DLGAP4: variants seen among roughly 807,000 people sequenced by gnomAD.
DLGAP4 encodes the protein disks large-associated protein 4.
DLGAP4 carries 18 observed loss-of-function variants against 86.9 expected under a neutral mutation model. That is an observed-to-expected ratio of 0.21 (90% CI 0.14 to 0.31). The LOEUF (loss-of-function observed/expected upper bound fraction) is 0.31, where lower values mean the gene tolerates loss of function less well. Ranked by LOEUF, DLGAP4 falls within the 10% of genes least tolerant of loss-of-function variation. The probability of loss-of-function intolerance (pLI) is 1.00; values close to 1 mark genes in which losing one functional copy is unlikely to be tolerated. For missense variants in DLGAP4, 1,085 were observed against 1,362.6 expected, an observed-to-expected ratio of 0.80 and a Z score of 3.21; for synonymous variants, 548 against 574.3, an observed-to-expected ratio of 0.95 and a Z score of 0.65.
intron 7 of DLGAP4, among the ~76,000 whole-genome samples, chr20:36,461,023 A>G (rs2034014937): frequency 6.6e-6 from 1 of 152,190 alleles, no homozygotes; most frequent in Non-Finnish European, 1.5e-5. Context: ...CAATCTGACT[A>G]TGCAGGGGTG....
At chr20:36,340,094 GT>G (rs1166491966) in intron 1 of DLGAP4, among the ~76,000 whole-genome samples, 3 of 152,266 alleles carry the variant, frequency 2.0e-5, no homozygotes, top group East Asian at 3.9e-4. Flanking sequence ...GGGTTTGGGG[GT>G]TTTTTGTTTT....
intron 2 of DLGAP4, among the ~76,000 whole-genome samples, chr20:36,426,733 T>C (rs1435221635): frequency 6.6e-6 from 1 of 152,180 alleles, no homozygotes; most frequent in Admixed American, 6.5e-5. Flanking sequence ...TTATGTTACA[T>C]GTATTTTGCT....
intron 2 of DLGAP4, among the ~76,000 whole-genome samples, chr20:36,424,598 G>A (rs991589614): frequency 6.6e-6 from 1 of 152,102 alleles, no homozygotes; most frequent in East Asian, 1.9e-4. Context: ...GTGCAGGGGG[G>A]TCCTGGGTGG....
At chr20:36,378,285 T>C (rs1201936859) in intron 2 of DLGAP4, among the ~76,000 whole-genome samples, 2 of 152,172 alleles carry the variant, frequency 1.3e-5, no homozygotes, top group East Asian at 1.9e-4. Context: ...AAAATGGGGA[T>C]AATAGGAGGA....
Position 36,432,566 on chromosome 20 carries a change from C to A in DLGAP4, c.849C>A (p.Gly283=). Residue 283 remains glycine, a synonymous_variant, in exon 3 of 13, where the codon GGC becomes GGA. Transcript: ENST00000339266. The surrounding 1 kb of genome is among the most constrained non-coding windows in gnomAD (Gnocchi z 6.5). ...PPATCPSLGV[G]TDTNYVKRGS... is the part of the protein sequence containing the mutation. ...CCACCTGCCCCAGCCTTGGGGTGGGCACTGACACCAACTACGTCAAACGGG... is the reference window on the plus strand; with the variant it reads ...CCACCTGCCCCAGCCTTGGGGTGGGAACTGACACCAACTACGTCAAACGGG... 6.2e-7 allele frequency: 1 copy of A among 1,605,156 alleles called. No individual in the cohort carries two copies. The highest frequency in any genetic ancestry group is 1.7e-5 in the Admixed American group (1 of 59,474).
chr20:36,513,336 C>T (rs976633673), intron 10 of DLGAP4, among the ~76,000 whole-genome samples: 6 of 151,092 alleles, frequency 4.0e-5, no homozygotes, highest in Admixed American at 6.6e-5. Flanking sequence ...ATCATGAGGT[C>T]AGGAGATCGA....
At chr20:36,368,308 A>C (rs1355301491) in intron 2 of DLGAP4, among the ~76,000 whole-genome samples, 1 of 152,230 alleles carries the variant, frequency 6.6e-6, no homozygotes, top group Non-Finnish European at 1.5e-5. Flanking sequence ...TCTGGTCCCA[A>C]TTCTCTCATC....
chr20:36,318,102 C>A (rs1385823294), intron 1 of DLGAP4, among the ~76,000 whole-genome samples: 1 of 117,132 alleles, frequency 8.5e-6, no homozygotes, highest in African/African-American at 3.7e-5. Flanking sequence ...ATAAATGTGT[C>A]CTCTCACACA....
intron 10 of DLGAP4, among the ~76,000 whole-genome samples, chr20:36,508,488 G>A (rs1252139596): frequency 2.1e-5 from 3 of 144,728 alleles, no homozygotes; most frequent in East Asian, 2.0e-4. Flanking sequence ...GTGCAATGGC[G>A]CGATCTCGGC....
intron 2 of DLGAP4, among the ~76,000 whole-genome samples, chr20:36,379,214 G>A (rs2031279134): frequency 6.6e-6 from 1 of 152,206 alleles, no homozygotes; most frequent in Non-Finnish European, 1.5e-5. Flanking sequence ...GGCAGAGGAG[G>A]CAGCGAGAAC....
chr20:36,403,358 A>G (rs2032219391), intron 2 of DLGAP4, among the ~76,000 whole-genome samples: 1 of 152,206 alleles, frequency 6.6e-6, no homozygotes. Flanking sequence ...ACACATCTTT[A>G]AAGTCCCACC....
At chr20:36,477,771 C>G (rs1305867059) in intron 7 of DLGAP4, among the ~76,000 whole-genome samples, 10 of 152,296 alleles carry the variant, frequency 6.6e-5, no homozygotes, top group African/African-American at 2.4e-4. Context: ...TTTGAGAATC[C>G]TAGCACAGTG....
Position 36,410,955 on chromosome 20 carries a change from C to G in DLGAP4, c.-72-20691C>G, listed in dbSNP as rs1283177194. 2.0e-5 allele frequency among the ~76,000 whole-genome samples: 3 copies of G among 152,136 alleles called. No homozygotes were observed. The East Asian group carries it at 5.8e-4, about 29-fold the overall frequency. On this transcript the variant is annotated intron_variant, in intron 2 of 12. Transcript: ENST00000339266. ...CCCACACTGTACTTCCTGGGATCACCTCCCAAATAGATTCAAATTCTTTTT... is the reference window on the plus strand; with the variant it reads ...CCCACACTGTACTTCCTGGGATCACGTCCCAAATAGATTCAAATTCTTTTT...
intron 2 of DLGAP4, among the ~76,000 whole-genome samples, chr20:36,383,768 G>T (rs2031487520): frequency 6.6e-6 from 1 of 152,088 alleles, no homozygotes; most frequent in African/African-American, 2.4e-5. Context: ...GAGGTCAGGA[G>T]ATCGAGACCA....
chr20:36,425,729 G>A (rs2032957052), intron 2 of DLGAP4, among the ~76,000 whole-genome samples: 1 of 152,116 alleles, frequency 6.6e-6, no homozygotes, highest in African/African-American at 2.4e-5. Context: ...GCTGAGGCAG[G>A]AGAATCACTT....
intron 2 of DLGAP4, among the ~76,000 whole-genome samples, chr20:36,376,306 C>T (rs1441532730): frequency 1.3e-5 from 2 of 152,054 alleles, no homozygotes; most frequent in Non-Finnish European, 2.9e-5. Context: ...CCCATTTCTA[C>T]TAAAAAATAC....
chr20:36,404,793 G>C (rs959864878), intron 2 of DLGAP4, among the ~76,000 whole-genome samples: 1 of 151,764 alleles, frequency 6.6e-6, no homozygotes, highest in African/African-American at 2.4e-5. Flanking sequence ...ATGAAGCAGA[G>C]ACAAAAATGA....
At chr20:36,310,850 G>A (rs2065047317) in intron 1 of DLGAP4, among the ~76,000 whole-genome samples, 1 of 152,182 alleles carries the variant, frequency 6.6e-6, no homozygotes, top group Admixed American at 6.5e-5. Context: ...AACTCACTGG[G>A]CATCTTTGAG....
chr20:36,428,839 T>A (rs1198819005), intron 2 of DLGAP4, among the ~76,000 whole-genome samples: 1 of 152,256 alleles, frequency 6.6e-6, no homozygotes, highest in African/African-American at 2.4e-5. Flanking sequence ...TTCATCTCTT[T>A]TTTTGAGACA....
Sources: gnomAD v4.1 joint callset for allele counts (sites outside exome capture counted in the v4.1 genomes callset) on GRCh38, gnomAD v4.1.1 for gene constraint, Gnocchi (gnomAD v3.1) non-coding constraint, MANE v1.5 for transcripts, NCBI Gene and HGNC (gene_info 2026-07-23, HGNC 2026-07-21) for gene names.